The following PDE4D variants were observed in gnomAD, a reference collection of about 807,000 sequenced individuals.
PDE4D encodes phosphodiesterase 4D.
Under a neutral mutation model 87.4 loss-of-function variants are expected in PDE4D, and 24 were observed. The observed-to-expected ratio is 0.27, with a 90% CI of 0.20 to 0.39. PDE4D has a LOEUF of 0.39. Ranked by LOEUF, PDE4D falls within the 10% of genes least tolerant of loss-of-function variation. PDE4D has a pLI of 1.00. For missense variants in PDE4D, 714 were observed against 1,041.0 expected, an observed-to-expected ratio of 0.69 and a Z score of 4.32; for synonymous variants, 384 against 383.2, an observed-to-expected ratio of 1.00 and a Z score of -0.02.
At chr5:60,212,432 A>G (rs1420052734) in intron 1 of PDE4D, among the ~76,000 whole-genome samples, 1 of 152,222 alleles carries the variant, frequency 6.6e-6, no homozygotes, top group Admixed American at 6.5e-5. Context: ...TGATTGGTGC[A>G]GTGAAAGGCA....
chr5:60,227,492 T>A (rs1280665627), intron 1 of PDE4D, among the ~76,000 whole-genome samples: 1 of 150,800 alleles, frequency 6.6e-6, no homozygotes, highest in Non-Finnish European at 1.5e-5. Flanking sequence ...AACAAATGAT[T>A]GTGTGATAGG....
chr5:60,185,448 C>A, intron 2 of PDE4D: 3 of 625,010 alleles, frequency 4.8e-6, no homozygotes, highest in South Asian at 2.0e-5. Flanking sequence ...GTTGACTAAA[C>A]GTTTCCCACA....
At chr5:59,529,775 T>C (rs1813845500) in intron 1 of PDE4D, among the ~76,000 whole-genome samples, 1 of 152,240 alleles carries the variant, frequency 6.6e-6, no homozygotes, top group Non-Finnish European at 1.5e-5. Flanking sequence ...TGTCTACTTC[T>C]CTGTAGGTAT....
intron 1 of PDE4D, among the ~76,000 whole-genome samples, chr5:59,580,527 C>G (rs1823923460): frequency 6.6e-6 from 1 of 151,950 alleles, no homozygotes; most frequent in African/African-American, 2.4e-5. Flanking sequence ...AGTGCAGTGG[C>G]ATGATCATGG....
chr5:59,683,226 T>C (rs1330961194), intron 1 of PDE4D, among the ~76,000 whole-genome samples: 2 of 152,122 alleles, frequency 1.3e-5, no homozygotes, highest in Non-Finnish European at 2.9e-5. Context: ...GACGGATACA[T>C]AGATGATTAG....
At chr5:60,043,240 T>C (rs980613764) in intron 2 of PDE4D, among the ~76,000 whole-genome samples, 16 of 151,114 alleles carry the variant, frequency 1.1e-4, no homozygotes, top group Middle Eastern at 6.9e-3. Flanking sequence ...GAAGACAAGA[T>C]TAGAGAAAAA....
chr5:59,410,585 A>G (rs183192099), intron 1 of PDE4D, among the ~76,000 whole-genome samples: 95 of 152,280 alleles, frequency 6.2e-4, no homozygotes, highest in Admixed American at 1.5e-3. Context: ...AAAATTAGTG[A>G]GGACATATGC....
chr5:60,429,219 A>T (rs1743980565), intron 1 of PDE4D, among the ~76,000 whole-genome samples: 2 of 152,140 alleles, frequency 1.3e-5, no homozygotes, highest in Admixed American at 6.5e-5. Context: ...GAGCTCTTTC[A>T]CTTCACTGGT....
intron 2 of PDE4D, among the ~76,000 whole-genome samples, chr5:59,996,580 G>A (rs554059648): frequency 2.0e-5 from 3 of 152,208 alleles, no homozygotes; most frequent in South Asian, 4.1e-4. Flanking sequence ...AATGGAAAAT[G>A]AGCCTTAAAT....
At chr5:60,147,915 A>T (rs1781156796) in intron 2 of PDE4D, 1 of 373,984 alleles carries the variant, frequency 2.7e-6, no homozygotes, top group East Asian at 8.3e-5. Context: ...GACAGAAGCC[A>T]CAGTTTTTAT....
intron 1 of PDE4D, among the ~76,000 whole-genome samples, chr5:60,395,757 GAAA>G (rs70975383): frequency 7.6e-6 from 1 of 130,728 alleles, no homozygotes. Context: ...CAAGATAGAA[GAAA>G]AAAAAAAAAA....
chr5:60,356,009 A>G (rs912251563), intron 1 of PDE4D, among the ~76,000 whole-genome samples: 1 of 152,140 alleles, frequency 6.6e-6, no homozygotes, highest in Non-Finnish European at 1.5e-5. Context: ...CTGGTTCTCA[A>G]TTCAGAGGAA....
At chr5:59,037,637 G>A (rs1758760467) in intron 6 of PDE4D, among the ~76,000 whole-genome samples, 1 of 152,136 alleles carries the variant, frequency 6.6e-6, no homozygotes, top group Non-Finnish European at 1.5e-5. Flanking sequence ...ACATGGGTAG[G>A]TCAGTGTGCA....
chr5:59,568,894 T>C (rs542366670), intron 1 of PDE4D, among the ~76,000 whole-genome samples: 3 of 152,092 alleles, frequency 2.0e-5, no homozygotes, highest in African/African-American at 7.2e-5. Context: ...ATAGGGACTT[T>C]AAATAATAAT....
At chr5:60,416,231 C>A (rs1488495156) in intron 1 of PDE4D, among the ~76,000 whole-genome samples, 1 of 152,186 alleles carries the variant, frequency 6.6e-6, no homozygotes, top group Non-Finnish European at 1.5e-5. Flanking sequence ...ACAGACCAAT[C>A]AGCTCTCTGT....
intron 1 of PDE4D, among the ~76,000 whole-genome samples, chr5:60,307,486 G>A (rs955863124): frequency 7.2e-5 from 11 of 152,078 alleles, no homozygotes; most frequent in African/African-American, 2.7e-4. Flanking sequence ...AAATTGACTT[G>A]TACATGCCAG....
At chr5:59,333,066 A>G (rs139228797) in intron 1 of PDE4D, among the ~76,000 whole-genome samples, 214 of 152,338 alleles carry the variant, frequency 1.4e-3, no homozygotes, top group African/African-American at 4.9e-3. Context: ...AAAGCATTGA[A>G]AACTGATATA....
intron 2 of PDE4D, among the ~76,000 whole-genome samples, chr5:60,139,193 G>T (rs894917755): frequency 6.6e-6 from 1 of 151,984 alleles, no homozygotes. Context: ...ACAGTTCACC[G>T]CTAAGCCAAA....
At chr5:60,105,778 G>C (rs1016127715) in intron 2 of PDE4D, among the ~76,000 whole-genome samples, 2 of 152,074 alleles carry the variant, frequency 1.3e-5, no homozygotes, top group East Asian at 3.9e-4. Flanking sequence ...CATAAGTGAA[G>C]GAGAAATAAA....
Sources: allele counts gnomAD v4.1 joint callset (sites outside exome capture counted in the v4.1 genomes callset), GRCh38; gene constraint gnomAD v4.1.1; transcripts MANE v1.5; gene names NCBI Gene and HGNC (gene_info 2026-07-23, HGNC 2026-07-21).